The following SETDB1 variants were observed in gnomAD, a reference collection of about 807,000 sequenced individuals.
SETDB1 encodes the protein SET domain bifurcated histone lysine methyltransferase 1.
In SETDB1, 31 loss-of-function variants were observed where a neutral mutation model predicts 137.4. The ratio of observed to expected loss-of-function variants is 0.23; its 90% confidence interval spans 0.17 to 0.30. The LOEUF is 0.30. Ranked by LOEUF, SETDB1 falls within the 10% of genes least tolerant of loss-of-function variation. The probability of loss-of-function intolerance (pLI) is 1.00; values close to 1 mark genes in which losing one functional copy is unlikely to be tolerated. For missense variants in SETDB1, 1,113 were observed against 1,631.5 expected, an observed-to-expected ratio of 0.68 and a Z score of 5.47; for synonymous variants, 548 against 579.9, an observed-to-expected ratio of 0.95 and a Z score of 0.79.
At chr1:150,934,238 C>T (rs587702009) in intron 3 of SETDB1, among the ~76,000 whole-genome samples, 11 of 152,132 alleles carry the variant, frequency 7.2e-5, no homozygotes, top group South Asian at 4.2e-4. Context: ...TTTGGGAGGC[C>T]GAGACGGGCA....
chr1:150,938,090 G>C (rs587666743), intron 3 of SETDB1, among the ~76,000 whole-genome samples: 1 of 151,914 alleles, frequency 6.6e-6, no homozygotes, highest in Non-Finnish European at 1.5e-5. Flanking sequence ...GTGTGGTGGC[G>C]CGTGCCTGTA....
Position 150,951,098 on chromosome 1 carries a change from G to C in SETDB1, c.2216+8G>C, listed in dbSNP as rs778269033. 5.0e-6 allele frequency: 8 copies of C among 1,598,550 alleles called. No homozygotes were observed. Among genetic ancestry groups the C allele is most frequent in the Non-Finnish European group, 6.8e-6 (8 of 1,170,440 alleles). ...GGATGGGTGTCGGGACAAGTGAGTT[G>C]GTGGGGGGAATTGCTGCCCCTGCTT... On this transcript the variant is annotated splice_region_variant and intron_variant, in intron 13 of 21. Coordinates refer to ENST00000692827, the MANE Select transcript of SETDB1 (RefSeq NM_001366418.1).
Position 150,951,368 on chromosome 1 carries a change from C to G in SETDB1, c.2220C>G (p.Ser740=). Residue 740 remains serine, a synonymous_variant, in exon 14 of 22, where the codon TCC becomes TCG. Transcript: ENST00000692827. ...TTTATTTCCCTCTGTCATATAGGTC[C>G]AAGTGTGCCTGCCATCAACTAACTA... ...CDCKDGCRDK[S]KCACHQLTIQ... is the part of the protein sequence containing the mutation. 1 of 1,605,476 alleles carries G rather than the reference C, an allele frequency of 6.2e-7. No individual in the cohort carries two copies. Among genetic ancestry groups the G allele is most frequent in the Non-Finnish European group, 8.5e-7 (1 of 1,172,258 alleles).
At chr1:150,933,469 T>A (rs1478353856) in intron 3 of SETDB1, among the ~76,000 whole-genome samples, 1 of 150,372 alleles carries the variant, frequency 6.7e-6, no homozygotes, top group African/African-American at 2.4e-5. Context: ...CTTTGCCTCC[T>A]GGGTTCAAGC....
At chr1:150,939,917 A>T (rs1558015378) in intron 3 of SETDB1, 23 bp from the exon 4 acceptor site, 1 of 1,601,904 alleles carries the variant, frequency 6.2e-7, no homozygotes, top group Non-Finnish European at 8.5e-7. Context: ...TCTGACACTC[A>T]TTAGAGTTCT....
chr1:150,937,186 TA>T (rs1327799691), intron 3 of SETDB1, among the ~76,000 whole-genome samples: 63 of 131,170 alleles, frequency 4.8e-4, no homozygotes, highest in African/African-American at 6.0e-4. Context: ...ACACAGCCAC[TA>T]AAAAAAAAAA....
intron 7 of SETDB1, 117 bp from the exon 8 acceptor site, chr1:150,943,803 C>T (rs914491202): frequency 1.5e-6 from 1 of 664,796 alleles, no homozygotes; most frequent in East Asian, 2.6e-5. Context: ...GGATTGTCTT[C>T]CCTGGAGTGC....
At chr1:150,927,598 T>G (rs1182338867) in intron 1 of SETDB1, 106 bp from the exon 2 acceptor site, 7 of 976,232 alleles carry the variant, frequency 7.2e-6, no homozygotes, top group Non-Finnish European at 1.1e-5. Flanking sequence ...TTGAATAGAA[T>G]AACAGGCAGC....
intron 4 of SETDB1, among the ~76,000 whole-genome samples, chr1:150,940,716 C>T (rs796407): frequency 0.98 from 148,160 of 151,864 alleles, 72,346 homozygotes; most frequent in Non-Finnish European, 1. Flanking sequence ...AACACAAAAT[C>T]AGGCTGGGCA....
chr1:150,959,600 G>T (rs1314495797), intron 15 of SETDB1, among the ~76,000 whole-genome samples: 1 of 152,114 alleles, frequency 6.6e-6, no homozygotes, highest in African/African-American at 2.4e-5. Flanking sequence ...GAACAGACAT[G>T]ATTATAGAGT....
intron 14 of SETDB1, among the ~76,000 whole-genome samples, chr1:150,954,147 C>G (rs1275019450): frequency 6.6e-6 from 1 of 152,166 alleles, no homozygotes; most frequent in Non-Finnish European, 1.5e-5. Flanking sequence ...AGCCACCGCG[C>G]CCAGCCTAAA....
At chr1:150,938,215 A>C (rs1182048717) in intron 3 of SETDB1, among the ~76,000 whole-genome samples, 1 of 36,252 alleles carries the variant, frequency 2.8e-5, no homozygotes. Flanking sequence ...GCAAGATTCC[A>C]TCTCAAAAAA....
In SETDB1 at chr1:150,962,694, T is replaced by TGGCTTCTGCTCA; in HGVS notation, c.3271_3282dup (p.Ala1091_Gln1094dup). On this transcript the variant is annotated inframe_insertion, in exon 18 of 22. Coordinates refer to ENST00000692827, the MANE Select transcript of SETDB1 (RefSeq NM_001366418.1). ...AGTATGCATCAAAGCCGAAGACTCATGGCTTCTGCTCAGTCCAACCCTGAT... is the reference window on the plus strand; with the variant it reads ...AGTATGCATCAAAGCCGAAGACTCATGGCTTCTGCTCAGGCTTCTGCTCAGTCCAACCCTGAT... The TGGCTTCTGCTCA allele has an allele frequency of 6.2e-7, 1 of 1,614,144 alleles. No homozygotes were observed. Among genetic ancestry groups the TGGCTTCTGCTCA allele is most frequent in the Non-Finnish European group, 8.5e-7 (1 of 1,179,972 alleles).
chr1:150,963,261 C>G (rs1456343361), intron 19 of SETDB1, 122 bp downstream of exon 19: 1 of 912,568 alleles, frequency 1.1e-6, no homozygotes, highest in South Asian at 1.7e-5. Context: ...TGGAGCATCT[C>G]TGGGAGGGCT....
chr1:150,946,464 G>GGC (rs1195399619), intron 9 of SETDB1, among the ~76,000 whole-genome samples: 16 of 150,398 alleles, frequency 1.1e-4, no homozygotes, highest in Admixed American at 9.3e-4. Flanking sequence ...TTTTTTTTGG[G>GGC]GGGGATGGAG....
At chr1:150,926,881 G>C in intron 1 of SETDB1, 1 of 531,788 alleles carries the variant, frequency 1.9e-6, no homozygotes, top group Non-Finnish European at 3.9e-6. Flanking sequence ...GCAAGCTTTC[G>C]TGTGTTTGAA....
intron 3 of SETDB1, among the ~76,000 whole-genome samples, chr1:150,934,489 T>C (rs587758675): frequency 1.2e-4 from 19 of 152,160 alleles, no homozygotes; most frequent in African/African-American, 1.9e-4. Flanking sequence ...TATATATATA[T>C]ACACAGCCAC....
At chr1:150,934,757 A>G (rs1421917442) in intron 3 of SETDB1, among the ~76,000 whole-genome samples, 2 of 152,070 alleles carry the variant, frequency 1.3e-5, no homozygotes, top group Non-Finnish European at 2.9e-5. Flanking sequence ...GTTTCCTTTA[A>G]TATTTCTTGC....
chr1:150,957,615 T>C (rs914762853), intron 14 of SETDB1, among the ~76,000 whole-genome samples: 6 of 152,248 alleles, frequency 3.9e-5, no homozygotes, highest in African/African-American at 1.4e-4. Flanking sequence ...CAATTAGTTT[T>C]CTTAGTATAA....
Sources: allele counts gnomAD v4.1 joint callset (sites outside exome capture counted in the v4.1 genomes callset), GRCh38; gene constraint gnomAD v4.1.1; transcripts MANE v1.5; gene names NCBI Gene and HGNC (gene_info 2026-07-23, HGNC 2026-07-21).